The following NKAIN2 variants were observed in gnomAD, a reference collection of about 807,000 sequenced individuals.
NKAIN2 encodes the protein sodium/potassium transporting ATPase interacting 2.
In NKAIN2, 14 loss-of-function variants were observed where a neutral mutation model predicts 32.6. That is an observed-to-expected ratio of 0.43 (90% CI 0.28 to 0.67). The LOEUF (loss-of-function observed/expected upper bound fraction) is 0.67. Among genes scored for constraint, NKAIN2 ranks in the 30% least tolerant of loss-of-function variants. NKAIN2 has a pLI of 0.17. For missense variants in NKAIN2, 198 were observed against 258.3 expected, an observed-to-expected ratio of 0.77 and a Z score of 1.60; for synonymous variants, 80 against 87.2, an observed-to-expected ratio of 0.92 and a Z score of 0.46.
chr6:124,611,829 G>A (rs1423017680), intron 3 of NKAIN2, among the ~76,000 whole-genome samples: 2 of 152,076 alleles, frequency 1.3e-5, no homozygotes, highest in African/African-American at 2.4e-5. Flanking sequence ...CCGCCTTGAG[G>A]TATACATGTC....
At position 124,033,467 on chromosome 6, in the gene NKAIN2, A is replaced by G. The variant is rs561670907; in HGVS notation, c.54+229213A>G. ...GTGTTTTAAGTGGCTGTTTATTTAGAGCCCTTGGACATCAATTATATCTCA... is the reference window on the plus strand; with the variant it reads ...GTGTTTTAAGTGGCTGTTTATTTAGGGCCCTTGGACATCAATTATATCTCA... On this transcript the variant is annotated intron_variant, in intron 1 of 6. Coordinates refer to ENST00000368417, the MANE Select transcript of NKAIN2 (RefSeq NM_001040214.3). Among the ~76,000 whole-genome samples the G allele has an allele frequency of 2.6e-4, 39 of 152,226 alleles. 1 individual carries two copies. The South Asian group carries it at 8.1e-3, about 32-fold the overall frequency.
In NKAIN2 at chr6:124,658,369, C is replaced by T. The variant is rs779990860; in HGVS notation, c.457C>T (p.Leu153Phe). 1.2e-6 allele frequency: 2 copies of T among 1,614,122 alleles called. No individual in the cohort carries two copies. Among genetic ancestry groups the T allele is most frequent in the Non-Finnish European group, 8.5e-7 (1 of 1,180,018 alleles). The change falls in exon 4 of 7, where the codon CTC becomes TTC. Residue 153 changes from leucine (L) to phenylalanine (F), a missense_variant. Physicochemically the swap from Leu to Phe is conservative, Grantham distance 22. Coordinates refer to ENST00000368417, the MANE Select transcript of NKAIN2 (RefSeq NM_001040214.3). ...GTACATAGAAGTGGCTCATAGTTCCCTCCAGATTGTCCTCGCAGTAAGTGT... is the reference window on the plus strand; with the variant it reads ...GTACATAGAAGTGGCTCATAGTTCCTTCCAGATTGTCCTCGCAGTAAGTGT... Reference protein sequence around the residue: ...YQYIEVAHSSLQIVLALAGFI... With the variant: ...YQYIEVAHSSFQIVLALAGFI...
chr6:124,377,506 A>G (rs62434751), intron 3 of NKAIN2, among the ~76,000 whole-genome samples: 3,636 of 152,316 alleles, frequency 0.024, 94 homozygotes, highest in Non-Finnish European at 0.034. Flanking sequence ...GTCTCCAAGA[A>G]GCAATATTTC....
At chr6:123,851,218 G>T (rs927101125) in intron 1 of NKAIN2, among the ~76,000 whole-genome samples, 1 of 148,170 alleles carries the variant, frequency 6.7e-6, no homozygotes, top group African/African-American at 2.5e-5. Flanking sequence ...CTCAGTAGGG[G>T]GATTGCTGGA....
At chr6:124,539,436 A>T (rs550716) in intron 3 of NKAIN2, among the ~76,000 whole-genome samples, 130,628 of 151,944 alleles carry the variant, frequency 0.86, 58,668 homozygotes, top group Non-Finnish European at 1. Context: ...CTCTCACTTA[A>T]TTTTAGGATT....
intron 3 of NKAIN2, chr6:124,490,429 T>TTC (rs1777819306): frequency 4.8e-6 from 2 of 412,530 alleles, no homozygotes; most frequent in Non-Finnish European, 9.4e-6. Flanking sequence ...TTTTTTTTTT[T>TTC]TAAGAATTCT....
intron 1 of NKAIN2, among the ~76,000 whole-genome samples, chr6:124,219,152 C>T (rs1401587022): frequency 6.6e-6 from 1 of 152,150 alleles, no homozygotes; most frequent in Non-Finnish European, 1.5e-5. Context: ...AGAGCCAAAC[C>T]ATATCAAGTA....
chr6:124,354,847 A>AAAG (rs1469708567), intron 2 of NKAIN2, among the ~76,000 whole-genome samples: 1 of 151,118 alleles, frequency 6.6e-6, no homozygotes, highest in Non-Finnish European at 1.5e-5. Context: ...ACAGTAAGAA[A>AAAG]AAAAAAAAAA....
chr6:124,733,069 C>G (rs905310474), intron 4 of NKAIN2, among the ~76,000 whole-genome samples: 7 of 151,852 alleles, frequency 4.6e-5, no homozygotes, highest in Non-Finnish European at 8.8e-5. Context: ...AGAAATGTTC[C>G]TAGACTTTAT....
At chr6:124,268,951 A>G (rs1794625396) in intron 1 of NKAIN2, among the ~76,000 whole-genome samples, 1 of 152,162 alleles carries the variant, frequency 6.6e-6, no homozygotes, top group Non-Finnish European at 1.5e-5. Context: ...TACTTCATTA[A>G]ATAAGCTCAT....
intron 1 of NKAIN2, among the ~76,000 whole-genome samples, chr6:124,209,121 G>A (rs541926241): frequency 9.4e-5 from 14 of 149,242 alleles, no homozygotes; most frequent in Admixed American, 1.4e-4. Context: ...TACCCGCCTC[G>A]CCGCTACTCT....
chr6:124,631,619 A>T (rs536534443), intron 3 of NKAIN2, among the ~76,000 whole-genome samples: 1 of 152,230 alleles, frequency 6.6e-6, no homozygotes, highest in African/African-American at 2.4e-5. Flanking sequence ...ACCAGGGAGC[A>T]GCTCTAATGC....
intron 1 of NKAIN2, among the ~76,000 whole-genome samples, chr6:124,257,981 A>G (rs1216340503): frequency 6.6e-6 from 1 of 151,818 alleles, no homozygotes; most frequent in African/African-American, 2.4e-5. Context: ...GGGTTTCACC[A>G]TGTTGGCCAG....
chr6:123,961,056 C>G (rs1363111202), intron 1 of NKAIN2, among the ~76,000 whole-genome samples: 1 of 152,226 alleles, frequency 6.6e-6, no homozygotes, highest in Admixed American at 6.5e-5. Flanking sequence ...AGATGCAAAG[C>G]AGGAGATGCC....
At position 123,804,007 on chromosome 6, in the gene NKAIN2, TGCCGCC is replaced by T. The variant is rs531771934; in HGVS notation, c.-179_-174del. 6.2e-5 allele frequency: 37 copies of T among 599,026 alleles called. No individual in the cohort carries two copies. The highest frequency in any genetic ancestry group is 3.0e-4 in the African/African-American group (16 of 52,986). The allele number at this position is 599,026 out of a possible 1,614,324, so 37.1% of individuals were successfully genotyped here. A position where few individuals can be genotyped will look rare whatever the true frequency, so the allele number is the denominator to read the frequency against. ...TATGTGTGGCGGGCGCGGCTGGAGC[TGCCGCC>T]GCCGCCGCCGCCGCGCCAGCAGGTC... On this transcript the variant is annotated 5_prime_UTR_variant, in exon 1 of 7. Coordinates refer to ENST00000368417, the MANE Select transcript of NKAIN2 (RefSeq NM_001040214.3).
At chr6:124,280,505 A>G (rs2114913310) in intron 1 of NKAIN2, among the ~76,000 whole-genome samples, 1 of 152,240 alleles carries the variant, frequency 6.6e-6, no homozygotes, top group Non-Finnish European at 1.5e-5. Flanking sequence ...CAAGATAATC[A>G]CTTAGCACAC....
At chr6:124,052,989 TA>T (rs1782482066) in intron 1 of NKAIN2, among the ~76,000 whole-genome samples, 2 of 152,070 alleles carry the variant, frequency 1.3e-5, no homozygotes, top group South Asian at 4.2e-4. Context: ...TGAGGGGGCA[TA>T]AAATGGAATG....
intron 1 of NKAIN2, among the ~76,000 whole-genome samples, chr6:123,892,361 G>T (rs1397343253): frequency 6.6e-6 from 1 of 152,108 alleles, no homozygotes; most frequent in Non-Finnish European, 1.5e-5. Flanking sequence ...CCACATGTCT[G>T]GGGAGGCCTC....
intron 1 of NKAIN2, among the ~76,000 whole-genome samples, chr6:124,249,048 A>G (rs1282411434): frequency 6.6e-6 from 1 of 152,128 alleles, no homozygotes; most frequent in African/African-American, 2.4e-5. Flanking sequence ...TTAAATCTCA[A>G]TAAATAGTGA....
Sources: allele counts gnomAD v4.1 joint callset (sites outside exome capture counted in the v4.1 genomes callset), GRCh38; gene constraint gnomAD v4.1.1; transcripts MANE v1.5; gene names NCBI Gene and HGNC (gene_info 2026-07-23, HGNC 2026-07-21).